The following PDE7A variants were observed in gnomAD, a reference collection of about 807,000 sequenced individuals.
PDE7A encodes the protein high affinity 3',5'-cyclic-AMP phosphodiesterase 7A.
A neutral mutation model predicts 64.3 loss-of-function variants in PDE7A; 39 were observed. The ratio of observed to expected loss-of-function variants is 0.61; its 90% confidence interval spans 0.47 to 0.79. PDE7A has a LOEUF of 0.79. Ranked by LOEUF, PDE7A falls within the 30% of genes least tolerant of loss-of-function variation. The probability of loss-of-function intolerance (pLI) is 0.00; values close to 1 mark genes in which losing one functional copy is unlikely to be tolerated. For synonymous variants in PDE7A, 203 were observed against 206.8 expected, an observed-to-expected ratio of 0.98 and a Z score of 0.16; for missense variants, 470 against 582.8, an observed-to-expected ratio of 0.81 and a Z score of 1.99.
chr8:65,715,954 G>A lies in PDE7A; in HGVS notation c.*3336C>T, dbSNP rs1447590096. Among the ~76,000 whole-genome samples the A allele has an allele frequency of 1.4e-5, 2 of 139,012 alleles. No homozygotes were observed. Among genetic ancestry groups the A allele is most frequent in the African/African-American group, 5.3e-5 (2 of 37,964 alleles). The allele number at this position is 139,012 out of a possible 152,430, so 91.2% of individuals were successfully genotyped here. A position where few individuals can be genotyped will look rare whatever the true frequency, so the allele number is the denominator to read the frequency against. On this transcript the variant is annotated 3_prime_UTR_variant, in exon 13 of 13. Coordinates refer to ENST00000401827, the MANE Select transcript of PDE7A (RefSeq NM_001242318.3). ...GGAACTTGCAGTGAGCCAATATCGC[G>A]GCACTGCACTCCAGCCTGGGCGACA...
chr8:65,799,640 G>A (rs1451281759), intron 1 of PDE7A, among the ~76,000 whole-genome samples: 1 of 152,184 alleles, frequency 6.6e-6, no homozygotes, highest in Non-Finnish European at 1.5e-5. Flanking sequence ...GTTAGGAGAG[G>A]TTAAGTGTCT....
chr8:65,738,685 A>T (rs1807261080), intron 6 of PDE7A, among the ~76,000 whole-genome samples: 1 of 152,204 alleles, frequency 6.6e-6, no homozygotes. Context: ...CACCCGCCTC[A>T]GCCTCCCAAA....
intron 1 of PDE7A, among the ~76,000 whole-genome samples, chr8:65,791,678 A>G (rs1809707335): frequency 6.6e-6 from 1 of 152,218 alleles, no homozygotes; most frequent in Admixed American, 6.5e-5. Context: ...TAATACAGAG[A>G]TAATCAAGAC....
At chr8:65,841,074 G>C (rs551021635) in intron 1 of PDE7A, among the ~76,000 whole-genome samples, 2 of 152,338 alleles carry the variant, frequency 1.3e-5, no homozygotes, top group East Asian at 3.9e-4. Flanking sequence ...GACCGAAAAA[G>C]ACAAGGGCGG....
intron 12 of PDE7A, among the ~76,000 whole-genome samples, chr8:65,721,168 A>G (rs1351667257): frequency 6.6e-6 from 1 of 152,174 alleles, no homozygotes; most frequent in African/African-American, 2.4e-5. Context: ...CTGTTCAACC[A>G]TTTGTGACTC....
chr8:65,729,364 C>CTTTTTTT (rs10540107), intron 7 of PDE7A, among the ~76,000 whole-genome samples: 1 of 80,076 alleles, frequency 1.2e-5, no homozygotes, highest in African/African-American at 5.2e-5. Flanking sequence ...TTGGTGGTAG[C>CTTTTTTT]TTTTTTTTTT....
chr8:65,736,057 A>G (rs1807115777), intron 6 of PDE7A, among the ~76,000 whole-genome samples: 1 of 152,238 alleles, frequency 6.6e-6, no homozygotes. Flanking sequence ...TTTTTCCTAT[A>G]CAAACACACC....
chr8:65,765,334 A>G (rs1808718533), intron 3 of PDE7A, among the ~76,000 whole-genome samples: 1 of 150,700 alleles, frequency 6.6e-6, no homozygotes, highest in Non-Finnish European at 1.5e-5. Flanking sequence ...CTAAAAATAC[A>G]AAAAATTAGC....
Position 65,715,303 on chromosome 8 carries a change from C to T in PDE7A, c.*3987G>A, listed in dbSNP as rs1008563549. On this transcript the variant is annotated 3_prime_UTR_variant, in exon 13 of 13. Transcript: ENST00000401827. The stretch of plus-strand genomic sequence containing the variant: ...GTAATCCCAGCACTTTGAGAGGCCA[C>T]GGTGGCAGGACTGCTTGAGCCCAAG... 6.6e-6 allele frequency among the ~76,000 whole-genome samples: 1 copy of T among 151,476 alleles called. No individual in the cohort carries two copies. Among genetic ancestry groups the T allele is most frequent in the East Asian group, 1.9e-4 (1 of 5,140 alleles).
At chr8:65,794,692 T>G (rs1252918437) in intron 1 of PDE7A, among the ~76,000 whole-genome samples, 5 of 152,270 alleles carry the variant, frequency 3.3e-5, no homozygotes, top group African/African-American at 1.2e-4. Context: ...CATATAACAT[T>G]GCAAAAGAGA....
chr8:65,757,144 G>A (rs1202713022), intron 3 of PDE7A, among the ~76,000 whole-genome samples: 1 of 152,132 alleles, frequency 6.6e-6, no homozygotes, highest in East Asian at 1.9e-4. Flanking sequence ...TCTCTCTGGG[G>A]AAGGTCTTAG....
At position 65,795,690 on chromosome 8, in the gene PDE7A, T is replaced by C. The variant is rs77430501; in HGVS notation, c.139-12847A>G. 5.9e-3 allele frequency among the ~76,000 whole-genome samples: 895 copies of C among 152,112 alleles called. 9 individuals are homozygous for C. The highest frequency in any genetic ancestry group is 0.02 in the African/African-American group (846 of 41,482). On this transcript the variant is annotated intron_variant, in intron 1 of 12. Transcript: ENST00000401827. ...TCAGAAACACTAACAAAACTTACAATAAGCGTAAAGGGATCAGGTGGATCT... is the reference window on the plus strand; with the variant it reads ...TCAGAAACACTAACAAAACTTACAACAAGCGTAAAGGGATCAGGTGGATCT...
At chr8:65,820,714 C>T (rs957041768) in intron 1 of PDE7A, among the ~76,000 whole-genome samples, 1 of 152,112 alleles carries the variant, frequency 6.6e-6, no homozygotes, top group Non-Finnish European at 1.5e-5. Flanking sequence ...CTCAGCCTCT[C>T]AAGTAGCTGG....
At position 65,841,892 on chromosome 8, in the gene PDE7A, T is replaced by A. The variant is rs1811101689; in HGVS notation, c.-384A>T. ...GCGCAGCACGAACGGAGCAAAGCAG[T>A]GCAAGAAAAGACAGCTGGAGCCAGC... is the stretch of plus-strand genomic sequence containing the variant. On this transcript the variant is annotated 5_prime_UTR_variant, in exon 1 of 13. Transcript: ENST00000401827. 4.9e-6 allele frequency: 1 copy of A among 204,136 alleles called. No individual in the cohort carries two copies. Among genetic ancestry groups the A allele is most frequent in the African/African-American group, 2.4e-5 (1 of 41,220 alleles). The allele number at this position is 204,136 out of a possible 1,614,324, so 12.6% of individuals were successfully genotyped here.
intron 1 of PDE7A, among the ~76,000 whole-genome samples, chr8:65,820,748 C>T (rs889735351): frequency 2.6e-5 from 4 of 152,146 alleles, no homozygotes; most frequent in African/African-American, 9.6e-5. Flanking sequence ...CACCACTATG[C>T]CAGGCTAATT....
At chr8:65,832,701 T>C (rs1024041805) in intron 1 of PDE7A, among the ~76,000 whole-genome samples, 1 of 152,132 alleles carries the variant, frequency 6.6e-6, no homozygotes, top group African/African-American at 2.4e-5. Context: ...TTGCCTAGGC[T>C]GGTCTCAAAT....
At chr8:65,785,703 A>T (rs1809534596) in intron 1 of PDE7A, among the ~76,000 whole-genome samples, 1 of 152,196 alleles carries the variant, frequency 6.6e-6, no homozygotes, top group Admixed American at 6.5e-5. Context: ...TGCAGATACT[A>T]TGTAATAACT....
chr8:65,727,386 A>C, intron 7 of PDE7A, 85 bp from the exon 8 acceptor site: 1 of 1,556,210 alleles, frequency 6.4e-7, no homozygotes, highest in Non-Finnish European at 8.7e-7. Flanking sequence ...TTAGCAGCCA[A>C]TGGTAGTGGT....
intron 3 of PDE7A, 46 bp downstream of exon 3, chr8:65,779,674 A>C: frequency 1.0e-6 from 1 of 969,154 alleles, no homozygotes; most frequent in Non-Finnish European, 1.6e-6. Flanking sequence ...ATTTTATTAA[A>C]ATTTGTAGTG....
Sources: allele counts gnomAD v4.1 joint callset (sites outside exome capture counted in the v4.1 genomes callset), GRCh38; gene constraint gnomAD v4.1.1; transcripts MANE v1.5; gene names NCBI Gene and HGNC (gene_info 2026-07-23, HGNC 2026-07-21).